The following ATP6V0A2 variants were observed in gnomAD, a reference collection of about 807,000 sequenced individuals.
ATP6V0A2 encodes ATPase H+ transporting V0 subunit a2.
ATP6V0A2 carries 58 observed loss-of-function variants against 104.4 expected under a neutral mutation model. That is an observed-to-expected ratio of 0.56 (90% CI 0.45 to 0.69). The LOEUF (loss-of-function observed/expected upper bound fraction) is 0.69. Among genes scored for constraint, ATP6V0A2 ranks in the 30% least tolerant of loss-of-function variants. The pLI, the probability that ATP6V0A2 is intolerant of heterozygous loss-of-function variation, is 0.00. For missense variants in ATP6V0A2, 938 were observed against 1,062.9 expected (o/e 0.88, Z 1.63); for synonymous variants, 376 against 397.9 (o/e 0.95, Z 0.65).
intron 15 of ATP6V0A2, 73 bp downstream of exon 15, chr12:123,748,858 T>C (rs1387902562): frequency 2.4e-5 from 34 of 1,426,150 alleles, no homozygotes; most frequent in Non-Finnish European, 3.3e-5. Flanking sequence ...GCAGTAGAAG[T>C]GTTGGGGTGA....
At position 123,744,871 on chromosome 12, in the gene ATP6V0A2, T is replaced by C; in HGVS notation, c.1515-11T>C. On this transcript the variant is annotated splice_polypyrimidine_tract_variant and intron_variant, in intron 12 of 19. Coordinates refer to ENST00000330342, the MANE Select transcript of ATP6V0A2 (RefSeq NM_012463.4). This position sits in a 1 kb window ranked among gnomAD's most constrained non-coding sequence, Gnocchi z 5.4. ...CCCAGGTCAGCCTCCTCACTCTGCT[T>C]TTTGTTACAGTGACAGCGTCGTTAG... 2 of 1,614,126 alleles carry C rather than the reference T, an allele frequency of 1.2e-6. No homozygotes were observed. Among genetic ancestry groups the C allele is most frequent in the Non-Finnish European group, 8.5e-7 (1 of 1,180,000 alleles).
At position 123,744,256 on chromosome 12, in the gene ATP6V0A2, C is replaced by T. The variant is rs777398890; in HGVS notation, c.1245C>T (p.Phe415=). The change falls in exon 11 of 20, where the codon TTC becomes TTT. Residue 415 remains phenylalanine (F), a synonymous_variant. Transcript: ENST00000330342. This position sits in a 1 kb window ranked among gnomAD's most constrained non-coding sequence, Gnocchi z 5.4. ...PFLFAVMFGD[F]GHGFVMFLFA... is the part of the protein sequence containing the mutation. Reference sequence around the variant, plus strand: ...TATTTGCTGTGATGTTTGGAGACTTCGGACATGGCTTTGTGATGTTTTTAT... The same window carrying T: ...TATTTGCTGTGATGTTTGGAGACTTTGGACATGGCTTTGTGATGTTTTTAT... 7 of 1,614,156 alleles carry T rather than the reference C, an allele frequency of 4.3e-6. No homozygotes were observed. In the Admixed American group the frequency reaches 5.0e-5, roughly 12 times the overall value.
At position 123,737,089 on chromosome 12, in the gene ATP6V0A2, C is replaced by T. The variant is rs759906846; in HGVS notation, c.856C>T (p.Gln286Ter). ...VLHKTEDYLR[Q>*]VLCKAAESVY... is the part of the protein sequence containing the mutation. ...GCACAAAACCGAGGACTATTTGAGG[C>T]AAGTGCTATGTAAAGCCGCCGAGTC... Residue 286 changes from glutamine to a stop codon, truncating the protein, a stop_gained, in exon 9 of 20, where the codon CAA becomes TAA. Transcript: ENST00000330342. LOFTEE classifies it high-confidence loss of function. 1.2e-6 allele frequency: 2 copies of T among 1,614,230 alleles called. No homozygotes were observed. Among genetic ancestry groups the T allele is most frequent in the East Asian group, 4.5e-5 (2 of 44,896 alleles).
Position 123,712,574 on chromosome 12 carries a change from C to T in ATP6V0A2, c.9C>T (p.Ser3=), listed in dbSNP as rs1227297055. The T allele has an allele frequency of 2.5e-6, 4 of 1,592,672 alleles. No individual in the cohort carries two copies. The highest frequency in any genetic ancestry group is 4.6e-5 in the East Asian group (2 of 43,792). Residue 3 remains serine (S), a synonymous_variant, in exon 1 of 20, where the codon TCC becomes TCT. Transcript: ENST00000330342. MG[S]LFRSETMCLA... ...GCGCGGGTCGGCCCGCCATGGGGTC[C>T]CTGTTCCGGAGCGAGACCATGTGCC... is the stretch of plus-strand genomic sequence containing the variant.
At chr12:123,755,058 A>G (rs895439594) in intron 18 of ATP6V0A2, among the ~76,000 whole-genome samples, 17 of 152,218 alleles carry the variant, frequency 1.1e-4, no homozygotes, top group African/African-American at 3.6e-4. Flanking sequence ...CCCCAGCAGC[A>G]TGGTTCCCAT....
In ATP6V0A2 at chr12:123,736,187, T is replaced by TTA. The variant is rs1323355086; in HGVS notation, c.825+564_825+565insAT. ...CATGCTCAGCCTGGATTGTGATTCT[T>TTA]TTTTTTTTTTTTTTTTTTTTGAGGT... is the stretch of plus-strand genomic sequence containing the variant. On this transcript the variant is annotated intron_variant, in intron 8 of 19. Coordinates refer to ENST00000330342, the MANE Select transcript of ATP6V0A2 (RefSeq NM_012463.4). Among the ~76,000 whole-genome samples the TTA allele has an allele frequency of 5.5e-4, 18 of 32,572 alleles. No individual in the cohort carries two copies. The Admixed American group carries it at 9.5e-3, about 17-fold the overall frequency. 21.4% of individuals were successfully genotyped at this position (32,572 alleles called of 152,430 possible).
At chr12:123,717,547 C>T (rs1362342916) in intron 1 of ATP6V0A2, among the ~76,000 whole-genome samples, 1 of 151,260 alleles carries the variant, frequency 6.6e-6, no homozygotes. Context: ...TGGGCTCAAG[C>T]AATCCTCCTG....
chr12:123,740,206 T>C (rs577771405), intron 9 of ATP6V0A2, among the ~76,000 whole-genome samples: 1,806 of 20,366 alleles, frequency 0.089, 30 homozygotes, highest in African/African-American at 0.25. Context: ...CTCTCTCTCT[T>C]TTTTTTTTTT....
Position 123,747,682 on chromosome 12 carries a change from A to C in ATP6V0A2, c.1681A>C (p.Ile561Leu). The C allele has an allele frequency of 6.2e-7, 1 of 1,612,878 alleles. No homozygotes were observed. The part of the protein sequence containing the change: ...KMKMSVILGI[I>L]HMTFGVILGI... The stretch of plus-strand genomic sequence containing the variant: ...GAAAATGTCCGTGATTTTAGGAATC[A>C]TTCATATGACTTTTGGAGTCATTCT... The change falls in exon 14 of 20, where the codon ATT (isoleucine) becomes CTT (leucine). Residue 561 changes from isoleucine to leucine, a missense_variant. Ile to Leu is a conservative substitution (Grantham distance 5, BLOSUM62 2). Transcript: ENST00000330342.
chr12:123,727,873 T>C lies in ATP6V0A2; in HGVS notation c.612T>C (p.Tyr204=). The C allele has an allele frequency of 6.2e-7, 1 of 1,614,240 alleles. No homozygotes were observed. Among genetic ancestry groups the C allele is most frequent in the South Asian group, 1.1e-5 (1 of 91,086 alleles). Residue 204 remains tyrosine (Y), a synonymous_variant, in exon 6 of 20, where the codon TAT becomes TAC. Coordinates refer to ENST00000330342, the MANE Select transcript of ATP6V0A2 (RefSeq NM_012463.4). The part of the protein sequence containing the change: ...RVCKGYTIVS[Y]AELDESLEDP... Reference sequence around the variant, plus strand: ...GCAAAGGGTACACCATCGTGTCCTATGCAGAACTGGATGAATCCCTTGAAG... The same window carrying C: ...GCAAAGGGTACACCATCGTGTCCTACGCAGAACTGGATGAATCCCTTGAAG...
Position 123,737,242 on chromosome 12 carries a change from G to T in ATP6V0A2, c.1009G>T (p.Asp337Tyr), listed in dbSNP as rs757975697. The change falls in exon 9 of 20, where the codon GAC becomes TAC. Residue 337 changes from aspartate (D) to tyrosine (Y), a missense_variant. Transcript: ENST00000330342. The part of the protein sequence containing the change: ...EVWCPEADLQ[D>Y]LRRALEEGSR... ...CTGGTGTCCCGAGGCGGATCTGCAG[G>T]ACCTGCGCCGGGCACTGGAGGAGGG... 1.9e-6 allele frequency: 3 copies of T among 1,614,042 alleles called. No individual in the cohort carries two copies. The highest frequency in any genetic ancestry group is 2.2e-5 in the South Asian group (2 of 91,082).
Position 123,748,757 on chromosome 12 carries a change from G to T in ATP6V0A2, c.1907G>T (p.Ser636Ile). ...EFINMFLFPA[S>I]KTSGLYTGQE... ...ATTAACATGTTTTTATTCCCAGCCA[G>T]TAAAACAAGTGGCCTTTACACAGGG... The change falls in exon 15 of 20, where the codon AGT becomes ATT. Residue 636 changes from serine to isoleucine, a missense_variant. Physicochemically the swap from Ser to Ile is moderately radical, Grantham distance 142. Coordinates refer to ENST00000330342, the MANE Select transcript of ATP6V0A2 (RefSeq NM_012463.4). 1 of 1,614,140 alleles carries T rather than the reference G, an allele frequency of 6.2e-7. No individual in the cohort carries two copies. The highest frequency in any genetic ancestry group is 8.5e-7 in the Non-Finnish European group (1 of 1,180,010).
chr12:123,750,338 TGGCTC>T (rs1956702610), intron 15 of ATP6V0A2: 1 of 152,642 alleles, frequency 6.6e-6, no homozygotes, highest in Admixed American at 6.5e-5. Flanking sequence ...TAGGTCAGCC[TGGCTC>T]CAGCCCAGGA....
intron 18 of ATP6V0A2, chr12:123,754,781 ATTT>A: frequency 1.9e-6 from 1 of 525,730 alleles, no homozygotes; most frequent in Non-Finnish European, 3.4e-6. Flanking sequence ...AGCCTGCCCA[ATTT>A]AAAAAAAAAA....
chr12:123,716,848 A>G (rs563913319), intron 1 of ATP6V0A2, among the ~76,000 whole-genome samples: 1 of 151,770 alleles, frequency 6.6e-6, no homozygotes, highest in East Asian at 1.9e-4. Context: ...GTTTTAGAAC[A>G]TTCCATCACC....
intron 18 of ATP6V0A2, 142 bp from the exon 19 acceptor site, chr12:123,756,673 T>C (rs920836503): frequency 3.7e-6 from 3 of 804,032 alleles, no homozygotes; most frequent in East Asian, 2.6e-5. Flanking sequence ...TGAGAAACAG[T>C]TGGGTCTGTG....
At chr12:123,719,815 CAG>C (rs983008453) in intron 2 of ATP6V0A2, among the ~76,000 whole-genome samples, 8 of 152,134 alleles carry the variant, frequency 5.3e-5, no homozygotes, top group East Asian at 1.9e-4. Flanking sequence ...CCGGACCACA[CAG>C]GGGGAGGTTG....
At chr12:123,734,073 A>G in intron 7 of ATP6V0A2, 65 bp downstream of exon 7, 6 of 1,301,730 alleles carry the variant, frequency 4.6e-6, no homozygotes, top group Non-Finnish European at 5.5e-6. Context: ...GTTTTCCTTC[A>G]ACATCCCTCT....
chr12:123,744,630 C>G lies in ATP6V0A2; in HGVS notation c.1360C>G (p.Leu454Val). The G allele has an allele frequency of 6.2e-7, 1 of 1,613,682 alleles. No individual in the cohort carries two copies. Among genetic ancestry groups the G allele is most frequent in the Non-Finnish European group, 8.5e-7 (1 of 1,180,032 alleles). The change falls in exon 12 of 20, where the codon CTC becomes GTC. Residue 454 changes from leucine to valine, a missense_variant. Transcript: ENST00000330342. The surrounding 1 kb of genome is among the most constrained non-coding windows in gnomAD (Gnocchi z 5.4). ...MRMFFNGRYI[L>V]LLMGLFSVYT... The stretch of plus-strand genomic sequence containing the variant: ...GATGTTTTTTAATGGCCGGTACATC[C>G]TCCTGCTGATGGGGCTGTTCTCAGT...
Sources: gnomAD v4.1 joint callset for allele counts (sites outside exome capture counted in the v4.1 genomes callset) on GRCh38, gnomAD v4.1.1 for gene constraint, Gnocchi (gnomAD v3.1) non-coding constraint, MANE v1.5 for transcripts, NCBI Gene and HGNC (gene_info 2026-07-23, HGNC 2026-07-21) for gene names.